The following EPB41L2 variants were observed in gnomAD, a reference collection of about 807,000 sequenced individuals.
The protein encoded by EPB41L2 is band 4.1-like protein 2.
In EPB41L2, 43 loss-of-function variants were observed where a neutral mutation model predicts 113.0. The ratio of observed to expected loss-of-function variants is 0.38; its 90% CI spans 0.30 to 0.49. The LOEUF (loss-of-function observed/expected upper bound fraction) is 0.49. Among genes scored for constraint, EPB41L2 ranks in the 20% least tolerant of loss-of-function variants. The pLI is 0.95. For synonymous variants in EPB41L2, 442 were observed against 436.7 expected, an observed-to-expected ratio of 1.01 and a Z score of -0.15; for missense variants, 1,147 against 1,223.4, an observed-to-expected ratio of 0.94 and a Z score of 0.93.
intron 18 of EPB41L2, among the ~76,000 whole-genome samples, chr6:130,862,296 G>A (rs1310040565): frequency 7.2e-6 from 1 of 139,594 alleles, no homozygotes; most frequent in Non-Finnish European, 1.5e-5. Context: ...AGGTTCAATG[G>A]GGAGAGGGGG....
At chr6:131,040,076 G>A (rs1462636843) in intron 1 of EPB41L2, among the ~76,000 whole-genome samples, 1 of 152,180 alleles carries the variant, frequency 6.6e-6, no homozygotes, top group Non-Finnish European at 1.5e-5. Context: ...AACGTTGCAA[G>A]AGTTCTAGAG....
chr6:131,036,610 T>C (rs1291189580), intron 1 of EPB41L2, among the ~76,000 whole-genome samples: 1 of 152,164 alleles, frequency 6.6e-6, no homozygotes, highest in Non-Finnish European at 1.5e-5. Flanking sequence ...AGCATTAGCT[T>C]AGAAAAGTCC....
intron 15 of EPB41L2, 79 bp downstream of exon 15, chr6:130,869,484 G>T: frequency 1.6e-6 from 2 of 1,276,208 alleles, no homozygotes; most frequent in Non-Finnish European, 2.2e-6. Context: ...AGAACTGGGA[G>T]GACAGGAGAA....
chr6:130,896,157 A>G (rs1365331184), intron 8 of EPB41L2, among the ~76,000 whole-genome samples: 1 of 152,232 alleles, frequency 6.6e-6, no homozygotes, highest in African/African-American at 2.4e-5. Flanking sequence ...ACATTTTGAT[A>G]CCATTTAAAT....
intron 1 of EPB41L2, among the ~76,000 whole-genome samples, chr6:131,052,481 G>A (rs1291318009): frequency 1.3e-5 from 2 of 152,206 alleles, no homozygotes; most frequent in Non-Finnish European, 2.9e-5. Context: ...ATTATATCAT[G>A]TTTGATCCTA....
intron 1 of EPB41L2, among the ~76,000 whole-genome samples, chr6:131,004,029 A>C (rs1356783047): frequency 6.6e-6 from 1 of 152,228 alleles, no homozygotes; most frequent in Admixed American, 6.5e-5. Flanking sequence ...CATAGCATCA[A>C]ATATTGTCAA....
intron 12 of EPB41L2, chr6:130,881,620 A>G (rs1789332148): frequency 1.3e-5 from 2 of 152,166 alleles, no homozygotes; most frequent in African/African-American, 4.8e-5. Flanking sequence ...ATAATCAAAA[A>G]TATATTGTAC....
chr6:130,921,264 C>T (rs9492755), intron 4 of EPB41L2, among the ~76,000 whole-genome samples: 47,963 of 152,040 alleles, frequency 0.32, 9,964 homozygotes, highest in African/African-American at 0.57. Flanking sequence ...AATCTGACCA[C>T]GTTACTTCCT....
intron 4 of EPB41L2, among the ~76,000 whole-genome samples, chr6:130,912,664 G>C (rs916395764): frequency 4.6e-5 from 7 of 152,158 alleles, no homozygotes; most frequent in Admixed American, 2.0e-4. Context: ...CTTCAGAAGA[G>C]AGCCTGCCAT....
intron 1 of EPB41L2, among the ~76,000 whole-genome samples, chr6:130,984,721 T>C (rs997058984): frequency 6.6e-5 from 10 of 152,204 alleles, no homozygotes; most frequent in African/African-American, 2.4e-4. Flanking sequence ...CCAGAACAGC[T>C]CTAGTTTCAA....
chr6:130,857,567 T>C (rs2128421622), intron 19 of EPB41L2, among the ~76,000 whole-genome samples: 1 of 141,214 alleles, frequency 7.1e-6, no homozygotes, highest in East Asian at 2.1e-4. Flanking sequence ...TTTTTTTTTT[T>C]TTTTTTTTGA....
chr6:130,916,228 C>T (rs1801019799), intron 4 of EPB41L2, among the ~76,000 whole-genome samples: 3 of 152,092 alleles, frequency 2.0e-5, no homozygotes, highest in Admixed American at 6.5e-5. Flanking sequence ...CAGTGAATAG[C>T]TGTACTTATA....
At chr6:131,040,473 A>T (rs904357161) in intron 1 of EPB41L2, among the ~76,000 whole-genome samples, 1 of 152,204 alleles carries the variant, frequency 6.6e-6, no homozygotes, top group Non-Finnish European at 1.5e-5. Flanking sequence ...AATTTTAGGT[A>T]TGTGTATTTT....
At chr6:130,960,777 C>G (rs1220400486) in intron 1 of EPB41L2, among the ~76,000 whole-genome samples, 1 of 152,126 alleles carries the variant, frequency 6.6e-6, no homozygotes, top group Non-Finnish European at 1.5e-5. Flanking sequence ...ATTATCATGC[C>G]TATAACCCTG....
At chr6:131,033,983 T>C (rs530187951) in intron 1 of EPB41L2, among the ~76,000 whole-genome samples, 1 of 152,328 alleles carries the variant, frequency 6.6e-6, no homozygotes, top group African/African-American at 2.4e-5. Context: ...TTATATGTAT[T>C]TTACCACAAT....
At chr6:130,852,485 G>A (rs1048193151) in intron 19 of EPB41L2, among the ~76,000 whole-genome samples, 2 of 152,070 alleles carry the variant, frequency 1.3e-5, no homozygotes, top group African/African-American at 2.4e-5. Context: ...CCATAGTAAC[G>A]TGGCCATGAC....
At chr6:130,999,305 C>A (rs1389666916) in intron 1 of EPB41L2, among the ~76,000 whole-genome samples, 2 of 152,164 alleles carry the variant, frequency 1.3e-5, no homozygotes, top group African/African-American at 2.4e-5. Flanking sequence ...CAGCAACCAA[C>A]CATACCCTTT....
intron 11 of EPB41L2, 51 bp downstream of exon 11, chr6:130,890,243 T>C (rs1396685719): frequency 1.3e-6 from 2 of 1,556,468 alleles, no homozygotes; most frequent in Non-Finnish European, 1.7e-6. Context: ...TCTGACCTCA[T>C]GGGATTAGAG....
At chr6:130,882,802 A>T (rs1416456170) in intron 12 of EPB41L2, 2 of 152,906 alleles carry the variant, frequency 1.3e-5, no homozygotes, top group Non-Finnish European at 2.9e-5. Flanking sequence ...CATCTTCATC[A>T]AGAAGGGAGG....
Sources: gnomAD v4.1 joint callset for allele counts (sites outside exome capture counted in the v4.1 genomes callset) on GRCh38, gnomAD v4.1.1 for gene constraint, MANE v1.5 for transcripts, NCBI Gene and HGNC (gene_info 2026-07-23, HGNC 2026-07-21) for gene names.